NDUFAF2: variants seen among roughly 807,000 people sequenced by gnomAD.
NDUFAF2 encodes NADH:ubiquinone oxidoreductase complex assembly factor 2.
In NDUFAF2, 13 loss-of-function variants were observed where a neutral mutation model predicts 22.8. The ratio of observed to expected loss-of-function variants is 0.57; its 90% CI spans 0.37 to 0.91. The LOEUF (loss-of-function observed/expected upper bound fraction) is 0.91. NDUFAF2 is among the 40% of genes least tolerant of loss of function. The probability of loss-of-function intolerance (pLI) is 0.01; values close to 1 mark genes in which losing one functional copy is unlikely to be tolerated. For synonymous variants in NDUFAF2, 53 were observed against 64.2 expected (o/e 0.83, Z 0.84); for missense variants, 162 against 195.2 (o/e 0.83, Z 1.01).
chr5:61,019,922 T>G (rs1751557061), intron 1 of NDUFAF2, among the ~76,000 whole-genome samples: 1 of 152,140 alleles, frequency 6.6e-6, no homozygotes, highest in Non-Finnish European at 1.5e-5. Context: ...CCTGGAAAAT[T>G]TAACAGTTAG....
rs554290616 is a variant in NDUFAF2, at chr5:60,968,261, T to A, written c.127+22879T>A. Reference sequence around the variant, plus strand: ...GTCTATCTAAAGGTTTGACCATTTTTAAAAAATCTTTTAGAAAACCAATTT... The same window carrying A: ...GTCTATCTAAAGGTTTGACCATTTTAAAAAAATCTTTTAGAAAACCAATTT... On this transcript the variant is annotated intron_variant, in intron 1 of 3. Transcript: ENST00000296597. Among the ~76,000 whole-genome samples, 20 of 151,934 alleles carry A rather than the reference T, an allele frequency of 1.3e-4. No homozygotes were observed. In the South Asian group the frequency reaches 3.9e-3, roughly 30 times the overall value.
At chr5:60,988,932 C>T (rs758657646) in intron 1 of NDUFAF2, among the ~76,000 whole-genome samples, 1 of 152,136 alleles carries the variant, frequency 6.6e-6, no homozygotes, top group Non-Finnish European at 1.5e-5. Flanking sequence ...GAAATGGGAT[C>T]TAATTAAACT....
At chr5:61,121,225 A>G (rs1752972346) in intron 3 of NDUFAF2, among the ~76,000 whole-genome samples, 1 of 152,284 alleles carries the variant, frequency 6.6e-6, no homozygotes, top group East Asian at 1.9e-4. Context: ...TTATATACAC[A>G]TGTTCATTAT....
chr5:61,132,900 T>C (rs927942100), intron 3 of NDUFAF2, among the ~76,000 whole-genome samples: 3 of 152,044 alleles, frequency 2.0e-5, no homozygotes, highest in African/African-American at 7.2e-5. Flanking sequence ...CTGTATCACT[T>C]TATATCCTAG....
chr5:60,954,187 C>T (rs921099038), intron 1 of NDUFAF2, among the ~76,000 whole-genome samples: 1 of 152,082 alleles, frequency 6.6e-6, no homozygotes, highest in Non-Finnish European at 1.5e-5. Context: ...GTAAGATAGC[C>T]AAAGACCTAT....
chr5:61,113,771 A>C (rs1752874350), intron 3 of NDUFAF2, among the ~76,000 whole-genome samples: 1 of 152,046 alleles, frequency 6.6e-6, no homozygotes, highest in African/African-American at 2.4e-5. Context: ...ATTCTCAGGC[A>C]TGTCTTTATT....
chr5:61,057,171 T>C (rs1439392050), intron 1 of NDUFAF2, among the ~76,000 whole-genome samples: 1 of 151,840 alleles, frequency 6.6e-6, no homozygotes, highest in African/African-American at 2.4e-5. Context: ...CAGACTTCTT[T>C]GTCTTTTCCT....
chr5:61,030,851 A>G (rs775045743), intron 1 of NDUFAF2, among the ~76,000 whole-genome samples: 3 of 152,134 alleles, frequency 2.0e-5, no homozygotes, highest in African/African-American at 4.8e-5. Context: ...CAACCAGTTT[A>G]CATAATATAA....
intron 3 of NDUFAF2, among the ~76,000 whole-genome samples, chr5:61,118,814 T>C (rs535196815): frequency 7.2e-5 from 11 of 152,244 alleles, no homozygotes; most frequent in Admixed American, 5.2e-4. Flanking sequence ...TATATAGAGA[T>C]ATTGTAAAAG....
At chr5:61,132,954 G>A (rs159380) in intron 3 of NDUFAF2, among the ~76,000 whole-genome samples, 90,475 of 150,626 alleles carry the variant, frequency 0.6, 27,925 homozygotes, top group East Asian at 0.94. Context: ...TAATAAGAAG[G>A]GAAAAGCTTG....
chr5:61,065,259 A>G (rs1451674458), intron 1 of NDUFAF2, among the ~76,000 whole-genome samples: 1 of 152,102 alleles, frequency 6.6e-6, no homozygotes, highest in Non-Finnish European at 1.5e-5. Flanking sequence ...TTGTAGCTGA[A>G]TTCTACCACA....
chr5:61,067,745 A>G (rs1752248676), intron 1 of NDUFAF2, among the ~76,000 whole-genome samples: 1 of 152,096 alleles, frequency 6.6e-6, no homozygotes, highest in African/African-American at 2.4e-5. Context: ...ACTGACTTCC[A>G]CAGTGGTTGA....
chr5:60,951,923 A>C (rs989059204), intron 1 of NDUFAF2, among the ~76,000 whole-genome samples: 2 of 151,754 alleles, frequency 1.3e-5, no homozygotes, highest in Non-Finnish European at 2.9e-5. Context: ...TACTCAGGCT[A>C]TCTATTTTGT....
chr5:60,987,465 T>TACA (rs1029475305), intron 1 of NDUFAF2, among the ~76,000 whole-genome samples: 1 of 151,548 alleles, frequency 6.6e-6, no homozygotes, highest in Non-Finnish European at 1.5e-5. Flanking sequence ...TTGGCAGAGA[T>TACA]ACAACAACAA....
chr5:61,107,046 T>C (rs295554), intron 3 of NDUFAF2, among the ~76,000 whole-genome samples: 19,521 of 123,700 alleles, frequency 0.16, 1,879 homozygotes, highest in South Asian at 0.26. Context: ...TGGATAAATA[T>C]ACACACACAC....
intron 1 of NDUFAF2, among the ~76,000 whole-genome samples, chr5:60,967,434 A>C (rs1750772477): frequency 6.6e-6 from 1 of 151,972 alleles, no homozygotes; most frequent in African/African-American, 2.4e-5. Context: ...TTAGAGGAAG[A>C]GCTTTCAACT....
At chr5:61,104,268 ATAGCAAATAC>A (rs1480989594) in intron 3 of NDUFAF2, among the ~76,000 whole-genome samples, 3 of 152,160 alleles carry the variant, frequency 2.0e-5, no homozygotes, top group Admixed American at 6.6e-5. Context: ...GAAGCCACTT[ATAGCAAATAC>A]TTTGAAATAT....
chr5:61,065,684 G>A (rs973067096), intron 1 of NDUFAF2, among the ~76,000 whole-genome samples: 1 of 152,030 alleles, frequency 6.6e-6, no homozygotes, highest in Non-Finnish European at 1.5e-5. Flanking sequence ...AGTTATAGAA[G>A]GGAAGTTTCT....
intron 3 of NDUFAF2, 109 bp downstream of exon 3, chr5:61,099,141 A>T: frequency 3.6e-6 from 2 of 550,618 alleles, no homozygotes; most frequent in Middle Eastern, 3.8e-4. Flanking sequence ...TTATTCCATC[A>T]CAGAAAATAA....
Sources: gnomAD v4.1 joint callset for allele counts (sites outside exome capture counted in the v4.1 genomes callset) on GRCh38, gnomAD v4.1.1 for gene constraint, MANE v1.5 for transcripts, NCBI Gene and HGNC (gene_info 2026-07-23, HGNC 2026-07-21) for gene names.